Variants in CSMD1 observed in about 807,000 individuals in gnomAD.
The protein encoded by CSMD1 is CUB and Sushi multiple domains 1.
Under a neutral mutation model 417.5 loss-of-function variants are expected in CSMD1, and 213 were observed. That is an observed-to-expected ratio of 0.51 (90% CI 0.46 to 0.57). CSMD1 has a LOEUF of 0.57. Ranked by LOEUF, CSMD1 falls within the 20% of genes least tolerant of loss-of-function variation. CSMD1 has a pLI of 0.00. For synonymous variants in CSMD1, 2,862 were observed against 1,736.8 expected, an observed-to-expected ratio of 1.65 and a Z score of -16.11; for missense variants, 6,923 against 4,529.7, an observed-to-expected ratio of 1.53 and a Z score of -15.17.
At chr8:3,400,344 T>C (rs1811962250) in intron 15 of CSMD1, among the ~76,000 whole-genome samples, 1 of 152,152 alleles carries the variant, frequency 6.6e-6, no homozygotes, top group African/African-American at 2.4e-5. Flanking sequence ...TCAAATAAAG[T>C]ACGTGAAAAT....
chr8:2,949,393 C>T lies in CSMD1; in HGVS notation c.10315-7G>A. On this transcript the variant is annotated splice_region_variant and splice_polypyrimidine_tract_variant and intron_variant, in intron 67 of 69. Transcript: ENST00000635120. ...TTTCAAGTCCAGATGACACCTGACA[C>T]ATAGGAAAGAAAAGAAAAGAAATAA... The T allele has an allele frequency of 4.8e-6, 4 of 830,078 alleles. No individual in the cohort carries two copies. The highest frequency in any genetic ancestry group is 3.5e-5 in the South Asian group (2 of 56,476). The allele number at this position is 830,078 out of a possible 1,614,324, so 51.4% of individuals were successfully genotyped here. A position where few individuals can be genotyped will look rare whatever the true frequency, so the allele number is the denominator to read the frequency against.
chr8:3,926,685 A>G (rs1185966056), intron 5 of CSMD1, among the ~76,000 whole-genome samples: 3 of 150,026 alleles, frequency 2.0e-5, no homozygotes, highest in Non-Finnish European at 4.4e-5. Context: ...ACATTTGAAA[A>G]CGCAATTAAA....
chr8:4,804,037 C>A (rs988947444), intron 1 of CSMD1, among the ~76,000 whole-genome samples: 1 of 152,118 alleles, frequency 6.6e-6, no homozygotes, highest in African/African-American at 2.4e-5. Flanking sequence ...TTTTAAATGC[C>A]AACAAAACAG....
chr8:4,225,135 C>A (rs1299777061), intron 3 of CSMD1, among the ~76,000 whole-genome samples: 5 of 152,058 alleles, frequency 3.3e-5, no homozygotes, highest in South Asian at 2.1e-4. Flanking sequence ...TCCTGAAATT[C>A]ATTTTATTTG....
At chr8:4,281,791 A>C (rs1247994445) in intron 3 of CSMD1, among the ~76,000 whole-genome samples, 1 of 152,244 alleles carries the variant, frequency 6.6e-6, no homozygotes, top group Non-Finnish European at 1.5e-5. Flanking sequence ...AACTGTATTA[A>C]AACTTAATCT....
At chr8:3,630,248 G>A (rs886398701) in intron 7 of CSMD1, among the ~76,000 whole-genome samples, 1 of 152,120 alleles carries the variant, frequency 6.6e-6, no homozygotes, top group Non-Finnish European at 1.5e-5. Flanking sequence ...TTTTGGATAG[G>A]GTCACAGTTG....
intron 10 of CSMD1, among the ~76,000 whole-genome samples, chr8:3,572,778 G>C (rs779704030): frequency 6.6e-6 from 1 of 152,058 alleles, no homozygotes; most frequent in Non-Finnish European, 1.5e-5. Flanking sequence ...GGAAATGCAT[G>C]TAATCTATTT....
rs557725717 is a variant in CSMD1 at position 3,699,428 on chromosome 8, C to G, written c.1009+8986G>C. Among the ~76,000 whole-genome samples, 8 of 152,272 alleles carry G rather than the reference C, an allele frequency of 5.3e-5. No individual in the cohort carries two copies. The East Asian group carries it at 1.4e-3, about 26-fold the overall frequency. ...ATAATGGGCACAGTTTTCTCTTAGC[C>G]AGTACCTAGCAAGTCTACAGATAAG... On this transcript the variant is annotated intron_variant, in intron 7 of 69. Coordinates refer to ENST00000635120, the MANE Select transcript of CSMD1 (RefSeq NM_033225.6).
intron 5 of CSMD1, among the ~76,000 whole-genome samples, chr8:3,919,782 ATTTG>A (rs1809101675): frequency 6.6e-6 from 1 of 151,994 alleles, no homozygotes; most frequent in Non-Finnish European, 1.5e-5. Context: ...CTATCTTTCC[ATTTG>A]TTTGTGTTTT....
chr8:4,209,155 C>T (rs184956392), intron 3 of CSMD1, among the ~76,000 whole-genome samples: 1 of 152,178 alleles, frequency 6.6e-6, no homozygotes, highest in African/African-American at 2.4e-5. Flanking sequence ...CCAAAATCTG[C>T]CCTAGAGCCC....
chr8:3,284,002 A>T (rs1411889395), intron 26 of CSMD1, 142 bp downstream of exon 26: 4 of 750,248 alleles, frequency 5.3e-6, no homozygotes, highest in East Asian at 2.7e-5. Flanking sequence ...CTTCTCTGCA[A>T]CATGCATTTT....
chr8:4,046,278 G>A (rs1168540093), intron 3 of CSMD1, among the ~76,000 whole-genome samples: 2 of 152,060 alleles, frequency 1.3e-5, no homozygotes, highest in Non-Finnish European at 2.9e-5. Flanking sequence ...ATTCTTGGCT[G>A]TTTCTCAGTC....
chr8:4,879,729 T>C (rs543215517), intron 1 of CSMD1, among the ~76,000 whole-genome samples: 10 of 152,048 alleles, frequency 6.6e-5, no homozygotes, highest in East Asian at 1.9e-4. Context: ...TAGAAAGGGA[T>C]TGGGACTTTC....
At chr8:4,371,717 T>G (rs996367035) in intron 3 of CSMD1, among the ~76,000 whole-genome samples, 1 of 152,216 alleles carries the variant, frequency 6.6e-6, no homozygotes, top group Non-Finnish European at 1.5e-5. Flanking sequence ...TTTGTATGTA[T>G]GTATGTTTTT....
chr8:3,230,304 C>G (rs542955074), intron 26 of CSMD1, 73 bp from the exon 27 acceptor site: 2 of 1,279,918 alleles, frequency 1.6e-6, no homozygotes, highest in Admixed American at 2.9e-5. Flanking sequence ...TGTGGTTGTT[C>G]TTGTGGGTTG....
intron 1 of CSMD1, among the ~76,000 whole-genome samples, chr8:4,838,559 G>A (rs1022094896): frequency 3.3e-5 from 5 of 152,218 alleles, no homozygotes; most frequent in Non-Finnish European, 2.9e-5. Flanking sequence ...TTACACCTGG[G>A]TGGGGGTGCA....
intron 7 of CSMD1, among the ~76,000 whole-genome samples, chr8:3,622,342 A>C (rs1025380204): frequency 6.6e-6 from 1 of 152,186 alleles, no homozygotes; most frequent in Non-Finnish European, 1.5e-5. Flanking sequence ...GTTTGTCAGA[A>C]ATAATAGACT....
chr8:3,545,138 G>A (rs922791), intron 10 of CSMD1, among the ~76,000 whole-genome samples: 42,522 of 151,898 alleles, frequency 0.28, 7,128 homozygotes, highest in East Asian at 0.4. Context: ...CTCTTTCTCC[G>A]TCATTACTTG....
chr8:4,123,589 G>T (rs536497068), intron 3 of CSMD1, among the ~76,000 whole-genome samples: 12 of 152,092 alleles, frequency 7.9e-5, no homozygotes, highest in African/African-American at 2.7e-4. Context: ...TAATTTCTAT[G>T]GTTTTTATCA....
Sources: gnomAD v4.1 joint callset for allele counts (sites outside exome capture counted in the v4.1 genomes callset) on GRCh38, gnomAD v4.1.1 for gene constraint, MANE v1.5 for transcripts, NCBI Gene and HGNC (gene_info 2026-07-23, HGNC 2026-07-21) for gene names.